Variants in ARHGAP44 observed in about 807,000 individuals in gnomAD.
ARHGAP44 encodes rho GTPase-activating protein 44.
ARHGAP44 carries 43 observed loss-of-function variants against 106.8 expected under a neutral mutation model. That is an observed-to-expected ratio of 0.40 (90% CI 0.32 to 0.52). The LOEUF is 0.52. Ranked by LOEUF, ARHGAP44 falls within the 20% of genes least tolerant of loss-of-function variation. ARHGAP44 has a pLI of 0.48. For missense variants in ARHGAP44, 866 were observed against 1,050.5 expected, an observed-to-expected ratio of 0.82 and a Z score of 2.43; for synonymous variants, 439 against 410.3, an observed-to-expected ratio of 1.07 and a Z score of -0.85.
chr17:12,831,362 G>A (rs34569911), intron 1 of ARHGAP44, among the ~76,000 whole-genome samples: 2,559 of 152,246 alleles, frequency 0.017, 48 homozygotes, highest in Middle Eastern at 0.088. Context: ...CAGCAAAGCC[G>A]GACGCTTGTT....
chr17:12,887,498 C>A (rs4791513), intron 1 of ARHGAP44, among the ~76,000 whole-genome samples: 8,817 of 152,204 alleles, frequency 0.058, 833 homozygotes, highest in African/African-American at 0.2. Flanking sequence ...CCTTGGCCTC[C>A]CGAAGTGTTG....
At position 12,973,180 on chromosome 17, in the gene ARHGAP44, T is replaced by TA. The variant is rs1046959268; in HGVS notation, c.1524-117dup. 8 of 990,722 alleles carry TA rather than the reference T, an allele frequency of 8.1e-6. No homozygotes were observed. The East Asian group carries it at 2.1e-4, about 26-fold the overall frequency. 61.4% of individuals were successfully genotyped at this position (990,722 alleles called of 1,614,324 possible). A position where few individuals can be genotyped will look rare whatever the true frequency, so the allele number is the denominator to read the frequency against. ...AAATTGTAATAATTTTATAGCACAA[T>TA]AAAAATCCCACCCCAAGACCCTGGA... On this transcript the variant is annotated intron_variant, in intron 16 of 20. Transcript: ENST00000379672.
At chr17:12,929,615 G>T (rs946732728) in intron 7 of ARHGAP44, among the ~76,000 whole-genome samples, 6 of 152,148 alleles carry the variant, frequency 3.9e-5, no homozygotes, top group African/African-American at 1.2e-4. Flanking sequence ...GTCCTTCGTT[G>T]TACTCATTCA....
chr17:12,973,934 G>T (rs1172046999), intron 17 of ARHGAP44, 155 bp from the exon 18 acceptor site: 1 of 802,294 alleles, frequency 1.2e-6, no homozygotes, highest in Non-Finnish European at 2.0e-6. Flanking sequence ...AGGGTGCTGG[G>T]AGCACAGCCC....
chr17:12,931,247 T>A (rs1351458640), intron 7 of ARHGAP44, among the ~76,000 whole-genome samples: 1 of 151,860 alleles, frequency 6.6e-6, no homozygotes, highest in African/African-American at 2.4e-5. Flanking sequence ...AATTTTTATA[T>A]TTTTAATAGA....
intron 1 of ARHGAP44, among the ~76,000 whole-genome samples, chr17:12,874,307 G>A (rs1374279285): frequency 6.6e-6 from 1 of 152,212 alleles, no homozygotes; most frequent in African/African-American, 2.4e-5. Flanking sequence ...TAGTTTCAGG[G>A]GAAACTGGGA....
At chr17:12,885,851 T>C (rs1285158472) in intron 1 of ARHGAP44, among the ~76,000 whole-genome samples, 2 of 152,140 alleles carry the variant, frequency 1.3e-5, no homozygotes, top group African/African-American at 2.4e-5. Flanking sequence ...CAAAAGCTTT[T>C]AGTTTTGAAG....
At chr17:12,851,360 A>T (rs1011173556) in intron 1 of ARHGAP44, among the ~76,000 whole-genome samples, 16 of 152,226 alleles carry the variant, frequency 1.1e-4, no homozygotes, top group Non-Finnish European at 2.4e-4. Context: ...TTTACAGAGA[A>T]GTCTAAAAGG....
intron 1 of ARHGAP44, among the ~76,000 whole-genome samples, chr17:12,830,989 A>G (rs571917720): frequency 6.6e-6 from 1 of 152,176 alleles, no homozygotes; most frequent in South Asian, 2.1e-4. Context: ...CTTTGCAGTA[A>G]TTTTTCTTTA....
At chr17:12,926,466 AATAT>A (rs946021382) in intron 6 of ARHGAP44, among the ~76,000 whole-genome samples, 1 of 108,290 alleles carries the variant, frequency 9.2e-6, no homozygotes, top group African/African-American at 3.4e-5. Flanking sequence ...ATACATATAT[AATAT>A]ATATAATATA....
intron 1 of ARHGAP44, among the ~76,000 whole-genome samples, chr17:12,800,027 T>G (rs1236948464): frequency 2.6e-5 from 4 of 152,192 alleles, no homozygotes. Flanking sequence ...GGCACCTACT[T>G]TATGGGGTTA....
intron 1 of ARHGAP44, among the ~76,000 whole-genome samples, chr17:12,842,472 G>T (rs2150832588): frequency 6.6e-6 from 1 of 151,750 alleles, no homozygotes; most frequent in Admixed American, 6.6e-5. Context: ...ATCATCCCAG[G>T]TTATCCAAGC....
In ARHGAP44 at chr17:12,949,085, G is replaced by T. The variant is rs1411682745; in HGVS notation, c.862-55G>T. 2.0e-6 allele frequency: 3 copies of T among 1,497,458 alleles called. No individual in the cohort carries two copies. Among genetic ancestry groups the T allele is most frequent in the East Asian group, 4.9e-5 (2 of 40,554 alleles). The allele number at this position is 1,497,458 out of a possible 1,614,324, so 92.8% of individuals were successfully genotyped here. Reference sequence around the variant, plus strand: ...AAGCAGGCAGTTGCGGGGTCTCTGCGCTTTGATGTTGTACCTTGGAGTTGC... The same window carrying T: ...AAGCAGGCAGTTGCGGGGTCTCTGCTCTTTGATGTTGTACCTTGGAGTTGC... On this transcript the variant is annotated intron_variant, in intron 10 of 20. Coordinates refer to ENST00000379672, the MANE Select transcript of ARHGAP44 (RefSeq NM_014859.6). The surrounding 1 kb of genome is among the most constrained non-coding windows in gnomAD (Gnocchi z 4.1).
intron 1 of ARHGAP44, among the ~76,000 whole-genome samples, chr17:12,853,107 A>G (rs2035809433): frequency 1.3e-5 from 2 of 152,204 alleles, no homozygotes; most frequent in African/African-American, 4.8e-5. Flanking sequence ...CAAGGAAGCC[A>G]GTCTGAGTCC....
chr17:12,914,943 G>A (rs531735692), intron 4 of ARHGAP44, among the ~76,000 whole-genome samples: 24 of 152,308 alleles, frequency 1.6e-4, no homozygotes, highest in Non-Finnish European at 3.4e-4. Flanking sequence ...TACATGTAGA[G>A]TAAAAATGTG....
intron 1 of ARHGAP44, among the ~76,000 whole-genome samples, chr17:12,806,532 T>C (rs2034277582): frequency 1.3e-5 from 2 of 152,100 alleles, no homozygotes; most frequent in African/African-American, 4.8e-5. Context: ...TCACCCTACT[T>C]ATAAGACATG....
chr17:12,919,883 T>C lies in ARHGAP44; in HGVS notation c.464+52T>C, dbSNP rs1272499256. On this transcript the variant is annotated intron_variant, in intron 6 of 20. Coordinates refer to ENST00000379672, the MANE Select transcript of ARHGAP44 (RefSeq NM_014859.6). ...CTTCTTTGAAGGGACAGTGATCATA[T>C]TTTGGGCGGGTGGGTTTTAAGTAGG... The C allele has an allele frequency of 4.6e-6, 7 of 1,517,020 alleles. No homozygotes were observed. The East Asian group carries it at 1.4e-4, about 30-fold the overall frequency. 94.0% of individuals were successfully genotyped at this position (1,517,020 alleles called of 1,614,324 possible). A position where few individuals can be genotyped will look rare whatever the true frequency, so the allele number is the denominator to read the frequency against.
At position 12,858,526 on chromosome 17, in the gene ARHGAP44, T is replaced by C. The variant is rs2150861908; in HGVS notation, c.54-36414T>C. On this transcript the variant is annotated intron_variant, in intron 1 of 20. Transcript: ENST00000379672. ...AGCCTTATCTGGGCATTTTGGGTTT[T>C]ACCTTGAAAGTAGCAAAAGGGGGCA... is the stretch of plus-strand genomic sequence containing the variant. Among the ~76,000 whole-genome samples the C allele has an allele frequency of 2.0e-5, 3 of 152,334 alleles. 1 individual carries two copies. The highest frequency in any genetic ancestry group is 2.0e-4 in the Admixed American group (3 of 15,300).
Position 12,949,337 on chromosome 17 carries a change from A to G in ARHGAP44, c.973+86A>G. 7.2e-7 allele frequency: 1 copy of G among 1,392,526 alleles called. No homozygotes were observed. Among genetic ancestry groups the G allele is most frequent in the Non-Finnish European group, 9.8e-7 (1 of 1,017,120 alleles). 86.3% of individuals were successfully genotyped at this position (1,392,526 alleles called of 1,614,324 possible). A position where few individuals can be genotyped will look rare whatever the true frequency, so the allele number is the denominator to read the frequency against. The stretch of plus-strand genomic sequence containing the variant: ...GGCTGTGTGGCTACAAGTCCAGGAC[A>G]CTCAAGTCAGTGGCTGCCCAAAGCA... On this transcript the variant is annotated intron_variant, in intron 11 of 20. Transcript: ENST00000379672. This position sits in a 1 kb window ranked among gnomAD's most constrained non-coding sequence, Gnocchi z 4.1.
Sources: allele counts gnomAD v4.1 joint callset (sites outside exome capture counted in the v4.1 genomes callset), GRCh38; gene constraint gnomAD v4.1.1; non-coding constraint Gnocchi (gnomAD v3.1); transcripts MANE v1.5; gene names NCBI Gene and HGNC (gene_info 2026-07-23, HGNC 2026-07-21).